ABLIM3: variants seen among roughly 807,000 people sequenced by gnomAD.
ABLIM3 encodes the protein actin binding LIM protein family member 3, also known as actin-binding LIM protein 3.
ABLIM3 carries 61 observed loss-of-function variants against 109.5 expected under a neutral mutation model. The ratio of observed to expected loss-of-function variants is 0.56; its 90% CI spans 0.45 to 0.69. ABLIM3 has a LOEUF of 0.69. Among genes scored for constraint, ABLIM3 ranks in the 30% least tolerant of loss-of-function variants. ABLIM3 has a pLI of 0.00. For synonymous variants in ABLIM3, 300 were observed against 324.8 expected, an observed-to-expected ratio of 0.92 and a Z score of 0.82; for missense variants, 796 against 889.5, an observed-to-expected ratio of 0.89 and a Z score of 1.34.
At chr5:149,251,669 C>G (rs1753941256) in intron 21 of ABLIM3, among the ~76,000 whole-genome samples, 1 of 152,306 alleles carries the variant, frequency 6.6e-6, no homozygotes, top group African/African-American at 2.4e-5. Flanking sequence ...AGAACCATCA[C>G]AGAGTTCTGC....
At position 149,198,149 on chromosome 5, in the gene ABLIM3, A is replaced by C; in HGVS notation, c.152-70A>C. ...ACAGTGAGACACCAGCCTTTCCCCC[A>C]GCGAGGACCTTCTGCTTACAGACCC... On this transcript the variant is annotated intron_variant, in intron 3 of 23. Coordinates refer to ENST00000309868, the MANE Select transcript of ABLIM3 (RefSeq NM_014945.5). This position sits in a 1 kb window ranked among gnomAD's most constrained non-coding sequence, Gnocchi z 4.2. The C allele has an allele frequency of 2.0e-6, 3 of 1,476,172 alleles. No homozygotes were observed. The highest frequency in any genetic ancestry group is 9.2e-7 in the Non-Finnish European group (1 of 1,086,440). The allele number at this position is 1,476,172 out of a possible 1,614,324, so 91.4% of individuals were successfully genotyped here. A position where few individuals can be genotyped will look rare whatever the true frequency, so the allele number is the denominator to read the frequency against.
At chr5:149,144,803 T>C (rs781490347) in intron 2 of ABLIM3, among the ~76,000 whole-genome samples, 1 of 152,178 alleles carries the variant, frequency 6.6e-6, no homozygotes, top group Non-Finnish European at 1.5e-5. Flanking sequence ...TCCTAATCAA[T>C]GATTCAAATG....
At position 149,213,813 on chromosome 5, in the gene ABLIM3, AT is replaced by A. The variant is rs34289553; in HGVS notation, c.669+3006del. ...CTCCATTAGCATCTTCGACTTATTG[AT>A]TTTTTTTTTTTCTTAGAGCTGGAAG... On this transcript the variant is annotated intron_variant, in intron 7 of 23. Transcript: ENST00000309868. 2.0e-3 allele frequency among the ~76,000 whole-genome samples: 291 copies of A among 148,050 alleles called. 2 individuals carry two copies. The highest frequency in any genetic ancestry group is 6.9e-3 in the Middle Eastern group (2 of 288).
At chr5:149,237,346 G>A in intron 10 of ABLIM3, 102 bp from the exon 11 acceptor site, 2 of 1,210,848 alleles carry the variant, frequency 1.7e-6, no homozygotes, top group Non-Finnish European at 2.3e-6. Context: ...GGTGGAAACT[G>A]GAGAAGTTTG....
intron 2 of ABLIM3, among the ~76,000 whole-genome samples, chr5:149,159,315 A>G (rs934789484): frequency 6.6e-6 from 1 of 152,240 alleles, no homozygotes; most frequent in African/African-American, 2.4e-5. Context: ...ATGGAATTCA[A>G]GAAGGCAAAA....
At chr5:149,224,614 C>T (rs141792554) in intron 8 of ABLIM3, among the ~76,000 whole-genome samples, 2 of 152,244 alleles carry the variant, frequency 1.3e-5, no homozygotes, top group Non-Finnish European at 2.9e-5. Context: ...CCCTGCTCCC[C>T]TCAAGTCTCC....
chr5:149,210,413 A>G (rs1216580143), intron 6 of ABLIM3, among the ~76,000 whole-genome samples: 2 of 152,334 alleles, frequency 1.3e-5, no homozygotes, highest in Admixed American at 1.3e-4. Context: ...CACACCAGCA[A>G]CAAATGTTAG....
At chr5:149,256,897 G>A (rs1754478615) in intron 23 of ABLIM3, among the ~76,000 whole-genome samples, 2 of 152,342 alleles carry the variant, frequency 1.3e-5, no homozygotes, top group East Asian at 1.9e-4. Flanking sequence ...GAGGGGCAGT[G>A]AGAATGTAAT....
chr5:149,241,728 CAGCCT>C (rs546602271), intron 14 of ABLIM3, among the ~76,000 whole-genome samples: 75 of 152,280 alleles, frequency 4.9e-4, no homozygotes, highest in African/African-American at 1.6e-3. Context: ...CACTGCATTC[CAGCCT>C]GGGTGACAAA....
intron 5 of ABLIM3, 99 bp from the exon 6 acceptor site, chr5:149,206,909 C>A: frequency 2.0e-6 from 3 of 1,499,000 alleles, no homozygotes; most frequent in Non-Finnish European, 2.7e-6. Flanking sequence ...ACTATGGGAA[C>A]ACTGGCATTC....
intron 3 of ABLIM3, among the ~76,000 whole-genome samples, chr5:149,189,817 A>G (rs1757308985): frequency 6.6e-6 from 1 of 152,208 alleles, no homozygotes; most frequent in African/African-American, 2.4e-5. Flanking sequence ...AAAAGATGAA[A>G]TTAGAGTTAC....
chr5:149,194,470 T>C (rs1180968554), intron 3 of ABLIM3, among the ~76,000 whole-genome samples: 2 of 152,144 alleles, frequency 1.3e-5, no homozygotes, highest in African/African-American at 2.4e-5. Flanking sequence ...AGGCATTACC[T>C]CACAAATGCA....
intron 3 of ABLIM3, among the ~76,000 whole-genome samples, chr5:149,190,871 T>G (rs1482420549): frequency 6.6e-6 from 1 of 152,158 alleles, no homozygotes; most frequent in East Asian, 1.9e-4. Flanking sequence ...AAAATCTTAA[T>G]GAAAATCAGA....
At chr5:149,212,454 G>A (rs1459148154) in intron 7 of ABLIM3, among the ~76,000 whole-genome samples, 1 of 152,128 alleles carries the variant, frequency 6.6e-6, no homozygotes, top group Non-Finnish European at 1.5e-5. Context: ...GGAGGATGAC[G>A]TGATAATGTA....
chr5:149,243,679 T>C (rs1753074748), intron 15 of ABLIM3: 1 of 152,230 alleles, frequency 6.6e-6, no homozygotes, highest in African/African-American at 2.4e-5. Flanking sequence ...GGACATGCCA[T>C]GTCCCCTGAG....
chr5:149,189,469 TTG>T (rs1290945622), intron 3 of ABLIM3, among the ~76,000 whole-genome samples: 2 of 152,184 alleles, frequency 1.3e-5, no homozygotes, highest in African/African-American at 4.8e-5. Context: ...GAAAAAATAT[TTG>T]TGTCTCAGCT....
intron 18 of ABLIM3, among the ~76,000 whole-genome samples, chr5:149,248,807 G>A (rs1331550436): frequency 6.6e-6 from 1 of 151,262 alleles, no homozygotes; most frequent in East Asian, 1.9e-4. Flanking sequence ...ACAAGCAGGG[G>A]CTTTATTCAA....
rs139063432 is a variant in ABLIM3, at chr5:149,254,232, G to A, written c.1938+1395G>A. Reference sequence around the variant, plus strand: ...CAGCCTCCTTGCTCCTCAGGGCTCCGCACTAGTAATCCCTGTGCCCCAAAG... The same window carrying A: ...CAGCCTCCTTGCTCCTCAGGGCTCCACACTAGTAATCCCTGTGCCCCAAAG... On this transcript the variant is annotated intron_variant, in intron 23 of 23. Coordinates refer to ENST00000309868, the MANE Select transcript of ABLIM3 (RefSeq NM_014945.5). 6.9e-3 allele frequency among the ~76,000 whole-genome samples: 1,045 copies of A among 152,122 alleles called. 9 individuals carry two copies. Among genetic ancestry groups the A allele is most frequent in the African/African-American group, 0.024 (1,002 of 41,486 alleles).
At chr5:149,234,204 G>A (rs1317196293) in intron 10 of ABLIM3, among the ~76,000 whole-genome samples, 1 of 152,282 alleles carries the variant, frequency 6.6e-6, no homozygotes, top group Non-Finnish European at 1.5e-5. Context: ...GGCATCCCGA[G>A]GAAGAAACAT....
Sources: gnomAD v4.1 joint callset for allele counts (sites outside exome capture counted in the v4.1 genomes callset) on GRCh38, gnomAD v4.1.1 for gene constraint, Gnocchi (gnomAD v3.1) non-coding constraint, MANE v1.5 for transcripts, NCBI Gene and HGNC (gene_info 2026-07-23, HGNC 2026-07-21) for gene names.